CDC73: variants seen among roughly 807,000 people sequenced by gnomAD.
The protein encoded by CDC73 is parafibromin.
A neutral mutation model predicts 83.7 loss-of-function variants in CDC73; 21 were observed. The ratio of observed to expected loss-of-function variants is 0.25; its 90% confidence interval spans 0.18 to 0.36. The LOEUF is 0.36. Among genes scored for constraint, CDC73 ranks in the 10% least tolerant of loss-of-function variants. CDC73 has a pLI of 1.00. For missense variants in CDC73, 342 were observed against 653.3 expected, an observed-to-expected ratio of 0.52 and a Z score of 5.19; for synonymous variants, 224 against 212.9, an observed-to-expected ratio of 1.05 and a Z score of -0.45.
At chr1:193,186,618 T>C (rs1472188414) in intron 10 of CDC73, 2 of 152,182 alleles carry the variant, frequency 1.3e-5, no homozygotes, top group Non-Finnish European at 2.9e-5. Context: ...AAATGTGGGC[T>C]TGACAGATGC....
chr1:193,130,150 T>C, intron 2 of CDC73, 24 bp from the exon 3 acceptor site: 1 of 1,095,628 alleles, frequency 9.1e-7, no homozygotes, highest in Non-Finnish European at 1.4e-6. Context: ...TCATTTCATA[T>C]CTCATTTAAA....
intron 10 of CDC73, among the ~76,000 whole-genome samples, chr1:193,202,463 C>G (rs1473549828): frequency 8.6e-5 from 13 of 151,836 alleles, no homozygotes; most frequent in Non-Finnish European, 1.5e-5. Context: ...AAAACCATAT[C>G]ATAAGTATGC....
chr1:193,181,078 C>G, intron 10 of CDC73: 2 of 1,614,028 alleles, frequency 1.2e-6, no homozygotes, highest in Non-Finnish European at 1.7e-6. Context: ...TTCTATTTGT[C>G]CAGGCTCTGC....
chr1:193,153,418 TAA>T, intron 10 of CDC73, among the ~76,000 whole-genome samples: 1 of 152,338 alleles, frequency 6.6e-6, no homozygotes, highest in African/African-American at 2.4e-5. Flanking sequence ...GCATGTGTAT[TAA>T]ATAGAGTATA....
chr1:193,207,334 A>C (rs899749735), intron 11 of CDC73, among the ~76,000 whole-genome samples: 25 of 152,208 alleles, frequency 1.6e-4, no homozygotes, highest in Admixed American at 1.1e-3. Flanking sequence ...CCCTCTCTGC[A>C]CATATTGTCA....
chr1:193,125,344 G>T, intron 2 of CDC73, 127 bp downstream of exon 2: 1 of 693,500 alleles, frequency 1.4e-6, no homozygotes. Flanking sequence ...TTGCAGCCTC[G>T]AACTCCTAGG....
At chr1:193,160,945 T>A (rs555288814) in intron 10 of CDC73, among the ~76,000 whole-genome samples, 19 of 151,862 alleles carry the variant, frequency 1.3e-4, no homozygotes, top group Admixed American at 6.6e-4. Flanking sequence ...TGATTTAGAT[T>A]TTTGAGTGAC....
At chr1:193,126,093 T>A (rs1675567549) in intron 2 of CDC73, among the ~76,000 whole-genome samples, 2 of 152,112 alleles carry the variant, frequency 1.3e-5, no homozygotes, top group South Asian at 4.1e-4. Context: ...AGATGCCATC[T>A]CAAGAAAAAG....
chr1:193,173,198 G>C (rs1469052400), intron 10 of CDC73, among the ~76,000 whole-genome samples: 1 of 152,126 alleles, frequency 6.6e-6, no homozygotes, highest in Non-Finnish European at 1.5e-5. Flanking sequence ...TGAAGCAGCT[G>C]TTAAAAGGGT....
In CDC73 at chr1:193,147,853, C is replaced by A; in HGVS notation, c.730-14C>A. 1 of 1,418,258 alleles carries A rather than the reference C, an allele frequency of 7.1e-7. No individual in the cohort carries two copies. The highest frequency in any genetic ancestry group is 1.2e-5 in the South Asian group (1 of 84,818). 87.9% of individuals were successfully genotyped at this position (1,418,258 alleles called of 1,614,324 possible). A position where few individuals can be genotyped will look rare whatever the true frequency, so the allele number is the denominator to read the frequency against. ...ATTTAAAGTGGGCTTAATTAAAATC[C>A]ATTTATATTTTAGAATTTTTCCAAG... On this transcript the variant is annotated splice_polypyrimidine_tract_variant and intron_variant, in intron 7 of 16. Coordinates refer to ENST00000367435, the MANE Select transcript of CDC73 (RefSeq NM_024529.5).
chr1:193,165,979 A>C (rs778049269), intron 10 of CDC73, among the ~76,000 whole-genome samples: 10 of 152,176 alleles, frequency 6.6e-5, no homozygotes, highest in Non-Finnish European at 1.2e-4. Flanking sequence ...TTTTAGGTTG[A>C]CTTTGTTAAA....
At position 193,219,751 on chromosome 1, in the gene CDC73, G is replaced by T. The variant is rs560851390; in HGVS notation, c.1154+7274G>T. Reference sequence around the variant, plus strand: ...TACTTGAGGGTGGAAGCTGGGAAGAGGGAGAGGATCAAAAATACCTGTTGT... The same window carrying T: ...TACTTGAGGGTGGAAGCTGGGAAGATGGAGAGGATCAAAAATACCTGTTGT... On this transcript the variant is annotated intron_variant, in intron 13 of 16. Coordinates refer to ENST00000367435, the MANE Select transcript of CDC73 (RefSeq NM_024529.5). Among the ~76,000 whole-genome samples the T allele has an allele frequency of 1.2e-3, 178 of 152,266 alleles. 1 individual carries two copies. Among genetic ancestry groups the T allele is most frequent in the Non-Finnish European group, 1.9e-3 (126 of 68,026 alleles).
At chr1:193,124,213 C>T (rs1010181986) in intron 1 of CDC73, among the ~76,000 whole-genome samples, 1 of 152,200 alleles carries the variant, frequency 6.6e-6, no homozygotes, top group African/African-American at 2.4e-5. Flanking sequence ...TATATGTGCA[C>T]ATGCACATGG....
chr1:193,158,502 T>A (rs200160192), intron 10 of CDC73, among the ~76,000 whole-genome samples: 5 of 149,468 alleles, frequency 3.3e-5, no homozygotes. Context: ...TCTCTAAAAA[T>A]AAAAAAAAAA....
At chr1:193,211,403 G>A (rs1365145830) in intron 11 of CDC73, among the ~76,000 whole-genome samples, 1 of 152,114 alleles carries the variant, frequency 6.6e-6, no homozygotes, top group African/African-American at 2.4e-5. Flanking sequence ...TAGCAACCTC[G>A]GGATGTGATT....
chr1:193,194,873 G>A (rs962984622), intron 10 of CDC73, among the ~76,000 whole-genome samples: 1 of 151,988 alleles, frequency 6.6e-6, no homozygotes, highest in African/African-American at 2.4e-5. Flanking sequence ...GAGAAATGAA[G>A]CCAATAGAAT....
chr1:193,180,762 C>T, intron 10 of CDC73: 1 of 1,614,006 alleles, frequency 6.2e-7, no homozygotes. Context: ...GATCTGGCTT[C>T]AGTAACTTAT....
chr1:193,254,409 C>T lies in CDC73; in HGVS notation c.*3697C>T, dbSNP rs959177185. 2.0e-5 allele frequency among the ~76,000 whole-genome samples: 3 copies of T among 151,982 alleles called. No homozygotes were observed. The highest frequency in any genetic ancestry group is 2.9e-5 in the Non-Finnish European group (2 of 67,944). The stretch of plus-strand genomic sequence containing the variant: ...TTTATTCACTTGTGTTTGAGATTCA[C>T]CCAGCTATTCTAATGATAGAAATAA... On this transcript the variant is annotated 3_prime_UTR_variant, in exon 17 of 17. Coordinates refer to ENST00000367435, the MANE Select transcript of CDC73 (RefSeq NM_024529.5).
Position 193,249,864 on chromosome 1 carries a change from T to C in CDC73, c.1552T>C (p.Leu518=), listed in dbSNP as rs758050507. 3.1e-6 allele frequency: 5 copies of C among 1,612,328 alleles called. No homozygotes were observed. The highest frequency in any genetic ancestry group is 2.2e-5 in the South Asian group (2 of 91,052). The change falls in exon 16 of 17, where the codon TTG becomes CTG. Residue 518 remains leucine, a synonymous_variant. Coordinates refer to ENST00000367435, the MANE Select transcript of CDC73 (RefSeq NM_024529.5). ...RPVFLRFWET[L]DRYMVKHKSH... ...AGTGTTCTTACGGTTTTGGGAAACA[T>C]TGGACAGGTAATTCCGATTCTAAAA...
Sources: gnomAD v4.1 joint callset for allele counts (sites outside exome capture counted in the v4.1 genomes callset) on GRCh38, gnomAD v4.1.1 for gene constraint, MANE v1.5 for transcripts, NCBI Gene and HGNC (gene_info 2026-07-23, HGNC 2026-07-21) for gene names.